Variants in KIAA0040 observed in about 807,000 individuals in gnomAD.
The protein encoded by KIAA0040 is KIAA0040.
A neutral mutation model predicts 7.2 loss-of-function variants in KIAA0040; 10 were observed. The ratio of observed to expected loss-of-function variants is 1.38; its 90% confidence interval spans 0.85 to 2.34. The LOEUF is 2.34. KIAA0040 is among the 30% of genes most tolerant of loss of function. KIAA0040 has a pLI of 0.00. For missense variants in KIAA0040, 89 were observed against 108.2 expected (o/e 0.82, Z 0.79); for synonymous variants, 49 against 40.1 (o/e 1.22, Z -0.84).
At chr1:175,192,263 G>C (rs1677892260) in intron 1 of KIAA0040, among the ~76,000 whole-genome samples, 1 of 152,226 alleles carries the variant, frequency 6.6e-6, no homozygotes, top group Non-Finnish European at 1.5e-5. Context: ...GAATGGTTTA[G>C]AAACACCTAA....
intron 1 of KIAA0040, among the ~76,000 whole-genome samples, chr1:175,182,315 C>T (rs1677472483): frequency 6.6e-6 from 1 of 152,180 alleles, no homozygotes; most frequent in Admixed American, 6.5e-5. Context: ...TACATTTTAT[C>T]TCTTTGTGCA....
At chr1:175,189,720 A>C (rs137947796) in intron 1 of KIAA0040, among the ~76,000 whole-genome samples, 49 of 152,258 alleles carry the variant, frequency 3.2e-4, no homozygotes, top group African/African-American at 1.1e-3. Context: ...AACCCCTTAC[A>C]TTTTTATAGA....
chr1:175,188,980 T>G (rs1677769251), intron 1 of KIAA0040, among the ~76,000 whole-genome samples: 1 of 152,154 alleles, frequency 6.6e-6, no homozygotes, highest in Non-Finnish European at 1.5e-5. Context: ...AGATGGAACT[T>G]GGATTCTGGT....
chr1:175,181,954 T>C (rs1205494271), intron 1 of KIAA0040, among the ~76,000 whole-genome samples: 1 of 152,184 alleles, frequency 6.6e-6, no homozygotes, highest in Non-Finnish European at 1.5e-5. Context: ...CTAAAACAGC[T>C]TGCTCCACCC....
chr1:175,170,868 CTAGAAGTATGA>C (rs1558393225), intron 2 of KIAA0040, among the ~76,000 whole-genome samples: 6 of 2,940 alleles, frequency 2.0e-3, no homozygotes, highest in African/African-American at 0.014. Context: ...CTTCCCGTCA[CTAGAAGTATGA>C]CATCTAAACT....
At chr1:175,179,201 T>C (rs1291525973) in intron 1 of KIAA0040, among the ~76,000 whole-genome samples, 2 of 152,042 alleles carry the variant, frequency 1.3e-5, no homozygotes, top group Admixed American at 6.5e-5. Context: ...ACAGGAAAGA[T>C]TAGTGAGATC....
At chr1:175,180,967 C>A (rs191786562) in intron 1 of KIAA0040, among the ~76,000 whole-genome samples, 29 of 152,300 alleles carry the variant, frequency 1.9e-4, no homozygotes, top group Admixed American at 3.3e-4. Context: ...GCCTCAGCTT[C>A]CCAAATAGCT....
At position 175,184,379 on chromosome 1, in the gene KIAA0040, G is replaced by C. The variant is rs533892129; in HGVS notation, c.-383-6695C>G. ...CGACCTCACACGGTGCCACTGGAAG[G>C]CCTCCTGCCCCACTCCCTACCCTTC... On this transcript the variant is annotated intron_variant, in intron 1 of 3. Transcript: ENST00000423313. Among the ~76,000 whole-genome samples, 12 of 152,248 alleles carry C rather than the reference G, an allele frequency of 7.9e-5. No individual in the cohort carries two copies. In the South Asian group the frequency reaches 2.5e-3, roughly 32 times the overall value.
chr1:175,165,733 C>A (rs1464524562), intron 3 of KIAA0040, among the ~76,000 whole-genome samples: 3 of 152,172 alleles, frequency 2.0e-5, no homozygotes, highest in Non-Finnish European at 4.4e-5. Context: ...CTTTGGGACC[C>A]TTGGAAGTGT....
In KIAA0040 at chr1:175,160,529, G is replaced by C; in HGVS notation, c.*185C>G. ...ACATAGCTGCCAAGACAGTATCCAA[G>C]AATTGTCCACGTGGTCCCTGGGACT... On this transcript the variant is annotated 3_prime_UTR_variant, in exon 4 of 4. Coordinates refer to ENST00000423313, the MANE Select transcript of KIAA0040 (RefSeq NM_014656.3). 1.6e-6 allele frequency: 1 copy of C among 615,528 alleles called. No homozygotes were observed. The highest frequency in any genetic ancestry group is 2.8e-6 in the Non-Finnish European group (1 of 356,708). 38.1% of individuals were successfully genotyped at this position (615,528 alleles called of 1,614,324 possible).
At chr1:175,171,002 A>G (rs1267725761) in intron 2 of KIAA0040, among the ~76,000 whole-genome samples, 5 of 152,170 alleles carry the variant, frequency 3.3e-5, no homozygotes, top group African/African-American at 1.2e-4. Context: ...ACTGTGGCCT[A>G]GCCGCGCCTA....
At chr1:175,162,448 C>T (rs1281381836) in intron 3 of KIAA0040, among the ~76,000 whole-genome samples, 1 of 151,518 alleles carries the variant, frequency 6.6e-6, no homozygotes, top group Non-Finnish European at 1.5e-5. Flanking sequence ...TCAGCACTCT[C>T]CGCAGGCTGC....
intron 2 of KIAA0040, among the ~76,000 whole-genome samples, chr1:175,168,710 A>T (rs1676870302): frequency 6.6e-6 from 1 of 152,240 alleles, no homozygotes; most frequent in South Asian, 2.1e-4. Flanking sequence ...CAGGGCCAGA[A>T]CCAATGTCTT....
Position 175,157,719 on chromosome 1 carries a change from T to TGAGCAATGGGGAAAG in KIAA0040, c.*2980_*2994dup, listed in dbSNP as rs546342514. On this transcript the variant is annotated 3_prime_UTR_variant, in exon 4 of 4. Transcript: ENST00000423313. ...CAAGAAAAAGAAACATGGAATCCAT[T>TGAGCAATGGGGAAAG]GAGCAATGGGGAAAGGAGCAATGGG... The TGAGCAATGGGGAAAG allele has an allele frequency of 3.3e-5, 5 of 151,882 alleles. No individual in the cohort carries two copies. Among genetic ancestry groups the TGAGCAATGGGGAAAG allele is most frequent in the South Asian group, 2.1e-4 (1 of 4,796 alleles). 9.4% of individuals were successfully genotyped at this position (151,882 alleles called of 1,614,324 possible). A position where few individuals can be genotyped will look rare whatever the true frequency, so the allele number is the denominator to read the frequency against.
chr1:175,180,347 A>G lies in KIAA0040; in HGVS notation c.-383-2663T>C, dbSNP rs555828194. 5.9e-5 allele frequency among the ~76,000 whole-genome samples: 9 copies of G among 152,352 alleles called. No homozygotes were observed. The South Asian group carries it at 1.7e-3, about 28-fold the overall frequency. ...AACAAATGAACATGTTTATAGATGAAGAAGCTCTGAGGCTCACTGAAATTA... is the reference window on the plus strand; with the variant it reads ...AACAAATGAACATGTTTATAGATGAGGAAGCTCTGAGGCTCACTGAAATTA... On this transcript the variant is annotated intron_variant, in intron 1 of 3. Transcript: ENST00000423313.
At chr1:175,184,946 T>C (rs1677597624) in intron 1 of KIAA0040, among the ~76,000 whole-genome samples, 3 of 152,170 alleles carry the variant, frequency 2.0e-5, no homozygotes, top group African/African-American at 7.2e-5. Context: ...TATTCATCAG[T>C]GGTGGCAGCT....
At chr1:175,168,025 C>T (rs1558391627) in intron 2 of KIAA0040, among the ~76,000 whole-genome samples, 1 of 152,152 alleles carries the variant, frequency 6.6e-6, no homozygotes, top group Non-Finnish European at 1.5e-5. Flanking sequence ...CCCCAGCTCT[C>T]AAACCACACT....
chr1:175,179,942 A>G (rs1677371377), intron 1 of KIAA0040, among the ~76,000 whole-genome samples: 1 of 152,240 alleles, frequency 6.6e-6, no homozygotes, highest in African/African-American at 2.4e-5. Flanking sequence ...CAATGAGGGC[A>G]GCAAGCAGTG....
rs1003422700 is a variant in KIAA0040, at chr1:175,179,071, T to A, written c.-383-1387A>T. ...CATTCTGGTGGGGAAAAGGGCAAGT[T>A]GGGGTGAGCTACATAGGTTGGAAAA... On this transcript the variant is annotated intron_variant, in intron 1 of 3. Coordinates refer to ENST00000423313, the MANE Select transcript of KIAA0040 (RefSeq NM_014656.3). Among the ~76,000 whole-genome samples the A allele has an allele frequency of 1.6e-4, 24 of 151,724 alleles. 1 individual carries two copies. The highest frequency in any genetic ancestry group is 1.2e-3 in the Admixed American group (18 of 15,240).
Sources: gnomAD v4.1 joint callset for allele counts (sites outside exome capture counted in the v4.1 genomes callset) on GRCh38, gnomAD v4.1.1 for gene constraint, MANE v1.5 for transcripts, NCBI Gene and HGNC (gene_info 2026-07-23, HGNC 2026-07-21) for gene names.